HMGCLL1: variants seen among roughly 807,000 people sequenced by gnomAD.
HMGCLL1 encodes 3-hydroxy-3-methylglutaryl-CoA lyase like 1.
A neutral mutation model predicts 39.1 loss-of-function variants in HMGCLL1; 36 were observed. That is an observed-to-expected ratio of 0.92 (90% CI 0.71 to 1.22). The LOEUF is 1.22. Among genes scored for constraint, HMGCLL1 ranks in the 50% most tolerant of loss-of-function variants. The pLI is 0.00. For missense variants in HMGCLL1, 451 were observed against 416.5 expected (o/e 1.08, Z -0.72); for synonymous variants, 149 against 144.0 (o/e 1.03, Z -0.25).
At chr6:55,651,648 A>T in the HMGCLL1 span, among the ~76,000 whole-genome samples, 2 of 151,976 alleles carry the variant, frequency 1.3e-5, no homozygotes, top group Non-Finnish European at 2.9e-5. Context: ...CCAACCTGGG[A>T]CTAGGAGCTG....
At chr6:55,580,473 TG>T (rs1312293695), upstream of HMGCLL1, among the ~76,000 whole-genome samples, 1 of 130,048 alleles carries the variant, frequency 7.7e-6, no homozygotes, top group Non-Finnish European at 1.6e-5. Flanking sequence ...TGGAGTGCAG[TG>T]GCGCGATGTC....
chr6:55,497,196 C>G (rs1451785344), intron 6 of HMGCLL1, among the ~76,000 whole-genome samples: 1 of 152,082 alleles, frequency 6.6e-6, no homozygotes, highest in Admixed American at 6.6e-5. Context: ...TCAGCTCCCA[C>G]GCATCCTAAT....
chr6:55,629,587 A>T, the HMGCLL1 span, among the ~76,000 whole-genome samples: 1 of 152,284 alleles, frequency 6.6e-6, no homozygotes, highest in South Asian at 2.1e-4. Flanking sequence ...AAATATCTCC[A>T]GGGCATTTCA....
At chr6:55,608,263 T>C in the HMGCLL1 span, among the ~76,000 whole-genome samples, 10 of 152,316 alleles carry the variant, frequency 6.6e-5, no homozygotes, top group African/African-American at 7.2e-5. Flanking sequence ...CTGTTACTTA[T>C]ACAGTTACAT....
rs1370889224 is a variant in HMGCLL1, at chr6:55,435,186, C to A, written c.*476G>T. 2.6e-5 allele frequency: 4 copies of A among 152,646 alleles called. No individual in the cohort carries two copies. In the East Asian group the frequency reaches 7.7e-4, roughly 30 times the overall value. The allele number at this position is 152,646 out of a possible 1,614,324, so 9.5% of individuals were successfully genotyped here. ...GTCAGATGGAGATTTGGCTTTTGGTCCATAACATAACTGACTTGGCAAATG... is the reference window on the plus strand; with the variant it reads ...GTCAGATGGAGATTTGGCTTTTGGTACATAACATAACTGACTTGGCAAATG... On this transcript the variant is annotated 3_prime_UTR_variant, in exon 9 of 9. Transcript: ENST00000274901.
At chr6:55,602,777 G>A in the HMGCLL1 span, among the ~76,000 whole-genome samples, 2 of 151,988 alleles carry the variant, frequency 1.3e-5, no homozygotes, top group African/African-American at 2.4e-5. Flanking sequence ...AATTGGAAAT[G>A]CATCAGCTAA....
chr6:55,438,104 G>A (rs1763442150), intron 8 of HMGCLL1, among the ~76,000 whole-genome samples: 1 of 152,018 alleles, frequency 6.6e-6, no homozygotes, highest in South Asian at 2.1e-4. Context: ...TTAAGCATCA[G>A]CTATCAGCTA....
chr6:55,555,772 T>C (rs1265600090), intron 1 of HMGCLL1, among the ~76,000 whole-genome samples: 2 of 152,212 alleles, frequency 1.3e-5, no homozygotes, highest in African/African-American at 4.8e-5. Flanking sequence ...ATATTAGTTA[T>C]TCAAGGGAAG....
chr6:55,650,646 G>A, the HMGCLL1 span, among the ~76,000 whole-genome samples: 8 of 151,872 alleles, frequency 5.3e-5, no homozygotes, highest in African/African-American at 1.5e-4. Context: ...CCTATCCCCC[G>A]GGTATGTCCA....
intron 5 of HMGCLL1, among the ~76,000 whole-genome samples, chr6:55,500,331 G>A (rs1766810561): frequency 6.6e-6 from 1 of 152,020 alleles, no homozygotes; most frequent in Non-Finnish European, 1.5e-5. Context: ...TGTGGGGGCA[G>A]TGGAAGCAGA....
chr6:55,672,780 T>C, the HMGCLL1 span, among the ~76,000 whole-genome samples: 1 of 151,986 alleles, frequency 6.6e-6, no homozygotes, highest in Non-Finnish European at 1.5e-5. Context: ...ATATTCCACT[T>C]GAGTTTTCCA....
chr6:55,533,002 G>C (rs9396103), intron 3 of HMGCLL1, among the ~76,000 whole-genome samples: 1 of 150,990 alleles, frequency 6.6e-6, no homozygotes, highest in Non-Finnish European at 1.5e-5. Context: ...TTGTACAGTG[G>C]AACAGCTTTA....
the HMGCLL1 span, among the ~76,000 whole-genome samples, chr6:55,667,973 G>T: frequency 1.3e-5 from 2 of 151,350 alleles, no homozygotes; most frequent in African/African-American, 2.4e-5. Flanking sequence ...CCTTTTGAAT[G>T]CCCTGACTAT....
At chr6:55,543,097 TA>T (rs1204458377) in intron 1 of HMGCLL1, among the ~76,000 whole-genome samples, 484 of 29,038 alleles carry the variant, frequency 0.017, 223 homozygotes, top group Admixed American at 0.028. Flanking sequence ...ATATATAATA[TA>T]ATATATGATA....
chr6:55,492,481 T>C (rs1200419063), intron 7 of HMGCLL1, among the ~76,000 whole-genome samples: 1 of 152,200 alleles, frequency 6.6e-6, no homozygotes, highest in Non-Finnish European at 1.5e-5. Context: ...CATGTGGCTG[T>C]TTTTCATAAA....
At chr6:55,616,438 T>G in the HMGCLL1 span, among the ~76,000 whole-genome samples, 1 of 152,126 alleles carries the variant, frequency 6.6e-6, no homozygotes, top group African/African-American at 2.4e-5. Context: ...ACATGACAGT[T>G]GATCACAGAA....
chr6:55,524,070 A>G (rs1047144393), intron 3 of HMGCLL1, among the ~76,000 whole-genome samples: 2 of 151,974 alleles, frequency 1.3e-5, no homozygotes, highest in Non-Finnish European at 2.9e-5. Flanking sequence ...ACAAATTTAC[A>G]TATATCAAAG....
At chr6:55,674,795 GT>G in the HMGCLL1 span, among the ~76,000 whole-genome samples, 2 of 151,980 alleles carry the variant, frequency 1.3e-5, no homozygotes, top group African/African-American at 4.8e-5. Flanking sequence ...CAGACTTATT[GT>G]AAGAGCATGA....
intron 7 of HMGCLL1, among the ~76,000 whole-genome samples, chr6:55,490,700 T>G (rs73449227): frequency 0.029 from 4,414 of 152,230 alleles, 210 homozygotes; most frequent in African/African-American, 0.1. Context: ...AGTTTAAAAT[T>G]TCCTGTAGCT....
Sources: allele counts gnomAD v4.1 joint callset (sites outside exome capture counted in the v4.1 genomes callset), GRCh38; gene constraint gnomAD v4.1.1; transcripts MANE v1.5; gene names NCBI Gene and HGNC (gene_info 2026-07-23, HGNC 2026-07-21).